Variants in TMEM68 observed in about 807,000 individuals in gnomAD.
TMEM68 encodes the protein DGAT1/2-independent enzyme synthesizing storage lipids.
In TMEM68, 25 loss-of-function variants were observed where a neutral mutation model predicts 36.9. That is an observed-to-expected ratio of 0.68 (90% CI 0.49 to 0.95). The LOEUF (loss-of-function observed/expected upper bound fraction) is 0.95. TMEM68 is among the 40% of genes least tolerant of loss of function. The pLI is 0.00. For synonymous variants in TMEM68, 131 were observed against 124.4 expected (o/e 1.05, Z -0.35); for missense variants, 333 against 392.0 (o/e 0.85, Z 1.27).
chr8:55,756,696 G>C (rs1354015848), intron 3 of TMEM68, among the ~76,000 whole-genome samples: 1 of 152,150 alleles, frequency 6.6e-6, no homozygotes, highest in Admixed American at 6.5e-5. Context: ...GGTGCGGAGT[G>C]GGGAGTCAGA....
intron 5 of TMEM68, among the ~76,000 whole-genome samples, chr8:55,748,576 AGG>A (rs991556543): frequency 1.4e-5 from 2 of 146,446 alleles, no homozygotes; most frequent in South Asian, 2.2e-4. Context: ...GGAGGGAGGA[AGG>A]GGGGGAGAGA....
chr8:55,770,124 CAGAA>C (rs1191142615), intron 1 of TMEM68, among the ~76,000 whole-genome samples: 1 of 152,160 alleles, frequency 6.6e-6, no homozygotes, highest in Non-Finnish European at 1.5e-5. Flanking sequence ...AAAGTAAACA[CAGAA>C]AGCCAAGTTT....
chr8:55,741,063 G>A (rs570323534), intron 7 of TMEM68, among the ~76,000 whole-genome samples: 47 of 152,054 alleles, frequency 3.1e-4, no homozygotes, highest in African/African-American at 9.2e-4. Flanking sequence ...GTGAAACCCC[G>A]TCTCTACTAA....
Position 55,739,408 on chromosome 8 carries a change from T to A in TMEM68, c.*724A>T, listed in dbSNP as rs1459965559. The A allele has an allele frequency of 6.6e-6, 1 of 152,574 alleles. No individual in the cohort carries two copies. The highest frequency in any genetic ancestry group is 1.5e-5 in the Non-Finnish European group (1 of 68,034). The allele number at this position is 152,574 out of a possible 1,614,324, so 9.5% of individuals were successfully genotyped here. ...AAAATATCATACTAAAAATAATAAT[T>A]AGAAATTTTATTTTTCCTAATTTTT... On this transcript the variant is annotated 3_prime_UTR_variant, in exon 8 of 8. Transcript: ENST00000434581.
chr8:55,763,717 C>CTTGTTTTT (rs1810877868), intron 2 of TMEM68: 2 of 47,012 alleles, frequency 4.3e-5, no homozygotes, highest in Non-Finnish European at 5.6e-5. Context: ...CAAAAGAAAA[C>CTTGTTTTT]ATCAATATCT....
At chr8:55,750,412 G>A (rs982656342) in intron 5 of TMEM68, among the ~76,000 whole-genome samples, 2 of 152,018 alleles carry the variant, frequency 1.3e-5, no homozygotes, top group African/African-American at 4.8e-5. Context: ...AACAGAAAAC[G>A]AAGCAGAAAC....
intron 1 of TMEM68, among the ~76,000 whole-genome samples, chr8:55,764,982 G>T (rs897195406): frequency 2.0e-5 from 3 of 152,166 alleles, no homozygotes; most frequent in Non-Finnish European, 4.4e-5. Flanking sequence ...TGAGGCAGGA[G>T]AAACGCTTGA....
At chr8:55,756,807 G>A (rs982105858) in intron 3 of TMEM68, among the ~76,000 whole-genome samples, 2 of 152,156 alleles carry the variant, frequency 1.3e-5, no homozygotes, top group African/African-American at 4.8e-5. Flanking sequence ...GGAAGCTTGG[G>A]AGTCAGAGCC....
At chr8:55,765,854 C>T (rs749136619) in intron 1 of TMEM68, among the ~76,000 whole-genome samples, 2 of 152,196 alleles carry the variant, frequency 1.3e-5, no homozygotes, top group Non-Finnish European at 2.9e-5. Flanking sequence ...AGTTACACCT[C>T]TCTGTGTCTC....
At chr8:55,768,836 ACT>A (rs1471988110) in intron 1 of TMEM68, among the ~76,000 whole-genome samples, 1 of 151,120 alleles carries the variant, frequency 6.6e-6, no homozygotes, top group Non-Finnish European at 1.5e-5. Flanking sequence ...ACAGAGTGAG[ACT>A]CTGCTCAAAA....
chr8:55,769,018 TAAAAAA>T (rs200493179), intron 1 of TMEM68, among the ~76,000 whole-genome samples: 3 of 82,092 alleles, frequency 3.7e-5, no homozygotes, highest in Non-Finnish European at 4.8e-5. Context: ...ACTCTGTCTT[TAAAAAA>T]AAAAAAAAAA....
chr8:55,755,978 C>A (rs560179556), intron 4 of TMEM68, among the ~76,000 whole-genome samples: 1 of 151,412 alleles, frequency 6.6e-6, no homozygotes, highest in Admixed American at 6.6e-5. Flanking sequence ...GCCATAAATA[C>A]AATTTTCACT....
At chr8:55,758,683 G>A (rs1333361893) in intron 3 of TMEM68, among the ~76,000 whole-genome samples, 3 of 152,200 alleles carry the variant, frequency 2.0e-5, no homozygotes, top group African/African-American at 4.8e-5. Context: ...GCATGTGCCT[G>A]TAGTCTCAGT....
chr8:55,768,539 A>G (rs1472087611), intron 1 of TMEM68, among the ~76,000 whole-genome samples: 5 of 151,258 alleles, frequency 3.3e-5, no homozygotes, highest in Non-Finnish European at 7.4e-5. Context: ...TATAGTAAAA[A>G]CTCATCTCTA....
chr8:55,739,156 T>C lies in TMEM68; in HGVS notation c.*976A>G, dbSNP rs1810020780. On this transcript the variant is annotated 3_prime_UTR_variant, in exon 8 of 8. Transcript: ENST00000434581. ...CATAAATAAATTCATCATTCAAGTA[T>C]ATTTTTATTGAAGCAATAAACCACT... The C allele has an allele frequency of 6.6e-6, 1 of 152,648 alleles. No homozygotes were observed. Among genetic ancestry groups the C allele is most frequent in the African/African-American group, 2.4e-5 (1 of 41,458 alleles). The allele number at this position is 152,648 out of a possible 1,614,324, so 9.5% of individuals were successfully genotyped here. A position where few individuals can be genotyped will look rare whatever the true frequency, so the allele number is the denominator to read the frequency against.
intron 4 of TMEM68, among the ~76,000 whole-genome samples, chr8:55,753,442 T>C (rs1387875742): frequency 1.3e-5 from 2 of 152,250 alleles, no homozygotes; most frequent in African/African-American, 2.4e-5. Flanking sequence ...ATTATAATGA[T>C]GTTCTGTTTT....
Position 55,756,253 on chromosome 8 carries a change from T to C in TMEM68, c.484A>G (p.Lys162Glu). The C allele has an allele frequency of 6.3e-7, 1 of 1,593,246 alleles. No homozygotes were observed. The highest frequency in any genetic ancestry group is 8.5e-7 in the Non-Finnish European group (1 of 1,175,372). ...TACAGTGAAAGTTTACCTGGAATTT[T>C]AAAGACAAAGTGATCAGCTACTACT... ...CRVVADHFVFKIPGFSLLLDV... is the reference protein window; with the variant it reads ...CRVVADHFVFEIPGFSLLLDV... Residue 162 changes from lysine to glutamate, a missense_variant, in exon 4 of 8, where the codon AAA becomes GAA. Coordinates refer to ENST00000434581, the MANE Select transcript of TMEM68 (RefSeq NM_001286657.2).
chr8:55,754,944 T>TAC (rs71256561), intron 4 of TMEM68, among the ~76,000 whole-genome samples: 1,996 of 134,850 alleles, frequency 0.015, 30 homozygotes, highest in African/African-American at 0.043. Flanking sequence ...TATATATTTA[T>TAC]ACACACACAC....
chr8:55,741,677 A>G (rs1371290816), intron 7 of TMEM68, among the ~76,000 whole-genome samples: 1 of 152,168 alleles, frequency 6.6e-6, no homozygotes, highest in Admixed American at 6.6e-5. Context: ...GACCCATAAT[A>G]TTCCAATAAT....
Sources: gnomAD v4.1 joint callset for allele counts (sites outside exome capture counted in the v4.1 genomes callset) on GRCh38, gnomAD v4.1.1 for gene constraint, MANE v1.5 for transcripts, NCBI Gene and HGNC (gene_info 2026-07-23, HGNC 2026-07-21) for gene names.